DDR2: variants seen among roughly 807,000 people sequenced by gnomAD.
DDR2 encodes the protein discoidin domain-containing receptor 2.
DDR2 carries 27 observed loss-of-function variants against 94.9 expected under a neutral mutation model. The ratio of observed to expected loss-of-function variants is 0.28; its 90% confidence interval spans 0.21 to 0.39. The LOEUF is 0.39. DDR2 is among the 10% of genes least tolerant of loss of function. The pLI, the probability that DDR2 is intolerant of heterozygous loss-of-function variation, is 1.00. For missense variants in DDR2, 783 were observed against 1,076.0 expected, an observed-to-expected ratio of 0.73 and a Z score of 3.81; for synonymous variants, 382 against 377.2, an observed-to-expected ratio of 1.01 and a Z score of -0.15.
intron 3 of DDR2, among the ~76,000 whole-genome samples, chr1:162,749,833 C>G (rs1011675158): frequency 6.6e-6 from 1 of 152,332 alleles, no homozygotes; most frequent in Non-Finnish European, 1.5e-5. Context: ...GGCTTCATCC[C>G]TGGGATGCAA....
chr1:162,641,339 G>T lies in DDR2; in HGVS notation c.-192+8708G>T, dbSNP rs540839239. On this transcript the variant is annotated intron_variant, in intron 1 of 17. Coordinates refer to ENST00000367921, the MANE Select transcript of DDR2 (RefSeq NM_006182.4). ...AGTCGCTATGATCTTCACCCTAGTT[G>T]TCACCCTGTCCCCATACTCTCTGAA... 8.5e-5 allele frequency among the ~76,000 whole-genome samples: 13 copies of T among 152,140 alleles called. No individual in the cohort carries two copies. The South Asian group carries it at 1.9e-3, about 22-fold the overall frequency.
chr1:162,778,795 C>T (rs1379191663), intron 17 of DDR2, 66 bp downstream of exon 17: 2 of 1,606,948 alleles, frequency 1.2e-6, no homozygotes, highest in East Asian at 2.2e-5. Context: ...ATGGCAAGTC[C>T]TGCCTTAGCA....
intron 2 of DDR2, among the ~76,000 whole-genome samples, chr1:162,695,538 C>T (rs945885335): frequency 2.0e-5 from 3 of 152,112 alleles, no homozygotes; most frequent in African/African-American, 4.8e-5. Flanking sequence ...GCCAGAAAGC[C>T]GTGATTTTTA....
Position 162,770,443 on chromosome 1 carries a change from C to A in DDR2, c.1435C>A (p.Pro479Thr). Residue 479 changes from proline to threonine, a missense_variant, in exon 12 of 18, where the codon CCT becomes ACT. Pro to Thr is a conservative substitution (Grantham distance 38, BLOSUM62 -1). Transcript: ENST00000367921. ...TTACGATCGCATCTTTCCCCTTCGC[C>A]CTGACTACCAGGAGCCATCCAGGCT... ...STYDRIFPLR[P>T]DYQEPSRLIR... is the part of the protein sequence containing the mutation. 6.2e-7 allele frequency: 1 copy of A among 1,614,084 alleles called. No homozygotes were observed. The highest frequency in any genetic ancestry group is 8.5e-7 in the Non-Finnish European group (1 of 1,180,020).
chr1:162,762,918 C>A (rs1022765675), intron 9 of DDR2, among the ~76,000 whole-genome samples: 1 of 152,110 alleles, frequency 6.6e-6, no homozygotes, highest in Non-Finnish European at 1.5e-5. Flanking sequence ...CTCACTGCAA[C>A]CCCCGCCTCC....
At chr1:162,767,818 G>T (rs2665499) in intron 11 of DDR2, among the ~76,000 whole-genome samples, 17 of 3,880 alleles carry the variant, frequency 4.4e-3, no homozygotes, top group African/African-American at 5.4e-3. Context: ...GTGTGTGTGT[G>T]TGTGTGTGTG....
chr1:162,740,617 C>T (rs1662541865), intron 3 of DDR2, among the ~76,000 whole-genome samples: 1 of 152,134 alleles, frequency 6.6e-6, no homozygotes. Flanking sequence ...CATACTTTTT[C>T]TTCACAGCAC....
intron 2 of DDR2, among the ~76,000 whole-genome samples, chr1:162,699,202 A>G (rs77072320): frequency 6.6e-6 from 1 of 152,336 alleles, no homozygotes; most frequent in African/African-American, 2.4e-5. Flanking sequence ...GAATTTCTCA[A>G]TGCCTTCTGA....
In DDR2 at chr1:162,686,379, C is replaced by T. The variant is rs546595789; in HGVS notation, c.-28+31005C>T. On this transcript the variant is annotated intron_variant, in intron 2 of 17. Transcript: ENST00000367921. The stretch of plus-strand genomic sequence containing the variant: ...CTCTCCTTCCCCTTGCCCCCCACCC[C>T]GTGACAGGCCCTGGTGTGTGATATC... Among the ~76,000 whole-genome samples the T allele has an allele frequency of 1.2e-4, 18 of 152,174 alleles. No homozygotes were observed. In the East Asian group the frequency reaches 2.5e-3, roughly 21 times the overall value.
rs1258580840 is a variant in DDR2 at position 162,786,760 on chromosome 1, T to C, written c.*6514T>C. 1 of 152,256 alleles carries C rather than the reference T, an allele frequency of 6.6e-6. No homozygotes were observed. Among genetic ancestry groups the C allele is most frequent in the Non-Finnish European group, 1.5e-5 (1 of 68,044 alleles). 9.4% of individuals were successfully genotyped at this position (152,256 alleles called of 1,614,324 possible). On this transcript the variant is annotated 3_prime_UTR_variant, in exon 18 of 18. Coordinates refer to ENST00000367921, the MANE Select transcript of DDR2 (RefSeq NM_006182.4). ...ATAGACCTCTAACATATGAGTTGAC[T>C]GTTTATTGGGAAGAAAGCATCTTGG...
intron 3 of DDR2, among the ~76,000 whole-genome samples, chr1:162,733,151 A>G (rs537244635): frequency 1.2e-4 from 18 of 152,354 alleles, no homozygotes; most frequent in African/African-American, 4.3e-4. Flanking sequence ...TGCCATTCCC[A>G]GCTTTTTCAT....
At chr1:162,653,114 ACAAG>A (rs1422929915) in intron 1 of DDR2, among the ~76,000 whole-genome samples, 1 of 2,474 alleles carries the variant, frequency 4.0e-4, no homozygotes, top group Admixed American at 0.028. Context: ...TAAAAAACAA[ACAAG>A]CAAACAAACA....
intron 1 of DDR2, among the ~76,000 whole-genome samples, chr1:162,650,534 T>G (rs541028778): frequency 7.2e-5 from 11 of 152,196 alleles, no homozygotes; most frequent in African/African-American, 2.6e-4. Context: ...AGGCAGAGGT[T>G]GCAGTGAACT....
At chr1:162,760,892 C>T (rs756099424) in intron 8 of DDR2, among the ~76,000 whole-genome samples, 11 of 151,540 alleles carry the variant, frequency 7.3e-5, no homozygotes, top group South Asian at 2.1e-4. Flanking sequence ...TACCCTGATT[C>T]GTGTGTGTAT....
chr1:162,763,437 G>A (rs191364054), intron 9 of DDR2, among the ~76,000 whole-genome samples: 59 of 132,384 alleles, frequency 4.5e-4, no homozygotes, highest in Non-Finnish European at 6.5e-4. Flanking sequence ...AACCTCAGGC[G>A]ATCCAGCCGC....
Position 162,747,458 on chromosome 1 carries a change from T to TAA in DDR2, c.83-5629_83-5628dup, listed in dbSNP as rs142580762. 8.1e-3 allele frequency among the ~76,000 whole-genome samples: 1,224 copies of TAA among 150,696 alleles called. 6 individuals are homozygous for TAA. Among genetic ancestry groups the TAA allele is most frequent in the Non-Finnish European group, 0.013 (873 of 67,630 alleles). On this transcript the variant is annotated intron_variant, in intron 3 of 17. Coordinates refer to ENST00000367921, the MANE Select transcript of DDR2 (RefSeq NM_006182.4). Reference sequence around the variant, plus strand: ...GAAGAGAAGTTTAGAGAAAAAAGAGTAAAAAAAAATGAACAAAGCCTCCAA... The same window carrying TAA: ...GAAGAGAAGTTTAGAGAAAAAAGAGTAAAAAAAAAAATGAACAAAGCCTCCAA...
intron 2 of DDR2, among the ~76,000 whole-genome samples, chr1:162,688,310 C>G (rs780051201): frequency 1.3e-5 from 2 of 152,330 alleles, no homozygotes; most frequent in East Asian, 3.9e-4. Flanking sequence ...GTATACTAAT[C>G]GTAGCTAGCC....
Position 162,759,838 on chromosome 1 carries a change from C to T in DDR2, c.714C>T (p.Gly238=), listed in dbSNP as rs751916094. The stretch of plus-strand genomic sequence containing the variant: ...GCCAATTGACCGATGGTGTGTCTGG[C>T]CTGGACGATTTCACCCAGACCCATG... ...GLGQLTDGVS[G]LDDFTQTHEY... Residue 238 remains glycine (G), a synonymous_variant, in exon 8 of 18, where the codon GGC becomes GGT. Coordinates refer to ENST00000367921, the MANE Select transcript of DDR2 (RefSeq NM_006182.4). 6.2e-7 allele frequency: 1 copy of T among 1,614,130 alleles called. No individual in the cohort carries two copies. Among genetic ancestry groups the T allele is most frequent in the South Asian group, 1.1e-5 (1 of 91,086 alleles).
intron 3 of DDR2, among the ~76,000 whole-genome samples, chr1:162,746,713 C>T (rs1440545617): frequency 1.3e-5 from 2 of 152,256 alleles, no homozygotes; most frequent in African/African-American, 2.4e-5. Context: ...CTGGGAGACA[C>T]CTCCCAGTAG....
Sources: gnomAD v4.1 joint callset for allele counts (sites outside exome capture counted in the v4.1 genomes callset) on GRCh38, gnomAD v4.1.1 for gene constraint, MANE v1.5 for transcripts, NCBI Gene and HGNC (gene_info 2026-07-23, HGNC 2026-07-21) for gene names.